CSRNP3: variants seen among roughly 807,000 people sequenced by gnomAD.
The protein encoded by CSRNP3 is cysteine/serine-rich nuclear protein 3.
CSRNP3 carries 12 observed loss-of-function variants against 48.0 expected under a neutral mutation model. That is an observed-to-expected ratio of 0.25 (90% CI 0.16 to 0.41). CSRNP3 has a LOEUF of 0.41. Among genes scored for constraint, CSRNP3 ranks in the 10% least tolerant of loss-of-function variants. The probability of loss-of-function intolerance (pLI) is 1.00; values close to 1 mark genes in which losing one functional copy is unlikely to be tolerated. For missense variants in CSRNP3, 580 were observed against 724.4 expected, an observed-to-expected ratio of 0.80 and a Z score of 2.29; for synonymous variants, 263 against 269.7, an observed-to-expected ratio of 0.98 and a Z score of 0.24.
intron 4 of CSRNP3, among the ~76,000 whole-genome samples, chr2:165,650,467 T>C (rs1311107307): frequency 1.3e-5 from 2 of 152,334 alleles, no homozygotes; most frequent in Non-Finnish European, 2.9e-5. Flanking sequence ...TTTACAGAAG[T>C]CATTTGTAAA....
At chr2:165,533,008 G>A (rs1684835174) in intron 3 of CSRNP3, among the ~76,000 whole-genome samples, 1 of 152,114 alleles carries the variant, frequency 6.6e-6, no homozygotes, top group South Asian at 2.1e-4. Context: ...TACAAGGGAT[G>A]TGAAAATTCT....
chr2:165,649,791 CTTG>C (rs1023195700), intron 4 of CSRNP3, among the ~76,000 whole-genome samples: 2 of 152,180 alleles, frequency 1.3e-5, no homozygotes, highest in Non-Finnish European at 2.9e-5. Context: ...AGACCCCTGA[CTTG>C]TTGTCCTTTA....
intron 3 of CSRNP3, among the ~76,000 whole-genome samples, chr2:165,533,187 C>G (rs1354454380): frequency 6.6e-6 from 1 of 151,940 alleles, no homozygotes; most frequent in Non-Finnish European, 1.5e-5. Flanking sequence ...AAATAGAAAT[C>G]ATAAGTATTG....
chr2:165,561,444 A>G (rs1685232277), intron 3 of CSRNP3, among the ~76,000 whole-genome samples: 1 of 152,072 alleles, frequency 6.6e-6, no homozygotes, highest in South Asian at 2.1e-4. Context: ...CTTCAAGAGT[A>G]ATTTCTTACT....
At chr2:165,541,997 T>C (rs1684964205) in intron 3 of CSRNP3, among the ~76,000 whole-genome samples, 1 of 152,192 alleles carries the variant, frequency 6.6e-6, no homozygotes, top group South Asian at 2.1e-4. Context: ...ATTGAAACTC[T>C]GTTCACCACA....
At chr2:165,473,200 A>C (rs1683916070) in intron 1 of CSRNP3, among the ~76,000 whole-genome samples, 1 of 152,124 alleles carries the variant, frequency 6.6e-6, no homozygotes, top group Non-Finnish European at 1.5e-5. Context: ...TTACTGCTTC[A>C]TGCTTCTTTC....
chr2:165,496,313 G>A (rs1034215245), intron 2 of CSRNP3, among the ~76,000 whole-genome samples: 10 of 151,964 alleles, frequency 6.6e-5, no homozygotes, highest in African/African-American at 2.4e-4. Flanking sequence ...AATTTCAGAA[G>A]ATAGGTTTTG....
At chr2:165,623,883 G>A (rs1217077291) in intron 4 of CSRNP3, among the ~76,000 whole-genome samples, 1 of 152,144 alleles carries the variant, frequency 6.6e-6, no homozygotes, top group African/African-American at 2.4e-5. Context: ...TAGAGCAGCT[G>A]CAAGGGAGGC....
intron 3 of CSRNP3, among the ~76,000 whole-genome samples, chr2:165,581,221 G>A (rs943181106): frequency 6.6e-6 from 1 of 152,210 alleles, no homozygotes; most frequent in Non-Finnish European, 1.5e-5. Context: ...TCAAAACCAA[G>A]TTCTGGCCAT....
intron 3 of CSRNP3, among the ~76,000 whole-genome samples, chr2:165,519,758 T>TC (rs1684627346): frequency 6.6e-6 from 1 of 152,118 alleles, no homozygotes; most frequent in Non-Finnish European, 1.5e-5. Flanking sequence ...GAAATTACAT[T>TC]CTAGTGGATG....
intron 5 of CSRNP3, among the ~76,000 whole-genome samples, chr2:165,660,563 G>A (rs979229176): frequency 1.3e-5 from 2 of 152,102 alleles, no homozygotes; most frequent in Non-Finnish European, 2.9e-5. Context: ...GGTGAACTCC[G>A]AGACACGTGA....
At position 165,597,563 on chromosome 2, in the gene CSRNP3, A is replaced by G. The variant is rs1383930070; in HGVS notation, c.148+2350A>G. On this transcript the variant is annotated intron_variant, in intron 4 of 6. Transcript: ENST00000651982. ...GTAGAATCACTATATGAACTTTGAT[A>G]TGAGAAGAAGAAATAATCACATTGG... Among the ~76,000 whole-genome samples, 10 of 152,254 alleles carry G rather than the reference A, an allele frequency of 6.6e-5. No homozygotes were observed. In the East Asian group the frequency reaches 1.9e-3, roughly 29 times the overall value.
intron 3 of CSRNP3, among the ~76,000 whole-genome samples, chr2:165,568,712 G>T (rs2105272512): frequency 6.6e-6 from 1 of 152,160 alleles, no homozygotes; most frequent in South Asian, 2.1e-4. Context: ...AAGAATAAAG[G>T]TGGAGGAAAT....
At chr2:165,552,179 T>C (rs933866908) in intron 3 of CSRNP3, among the ~76,000 whole-genome samples, 1 of 152,224 alleles carries the variant, frequency 6.6e-6, no homozygotes, top group African/African-American at 2.4e-5. Context: ...AGTGGAAATT[T>C]AATTGAAAGA....
chr2:165,570,919 A>T (rs982787670), intron 3 of CSRNP3, among the ~76,000 whole-genome samples: 1 of 151,996 alleles, frequency 6.6e-6, no homozygotes, highest in Non-Finnish European at 1.5e-5. Flanking sequence ...ATTCTAGATC[A>T]ATGCTAACCC....
Position 165,655,842 on chromosome 2 carries a change from G to C in CSRNP3, c.149-1919G>C, listed in dbSNP as rs1451661030. Among the ~76,000 whole-genome samples the C allele has an allele frequency of 7.2e-5, 11 of 152,284 alleles. No homozygotes were observed. The South Asian group carries it at 2.3e-3, about 32-fold the overall frequency. On this transcript the variant is annotated intron_variant, in intron 4 of 6. Transcript: ENST00000651982. Reference sequence around the variant, plus strand: ...CATCATCTTCCCTCTACGCATGTCTGTGTCCAAATTTTAACTTTTATAAAC... The same window carrying C: ...CATCATCTTCCCTCTACGCATGTCTCTGTCCAAATTTTAACTTTTATAAAC...
intron 2 of CSRNP3, among the ~76,000 whole-genome samples, chr2:165,507,971 A>C (rs1485194832): frequency 6.6e-6 from 1 of 152,056 alleles, no homozygotes; most frequent in Non-Finnish European, 1.5e-5. Flanking sequence ...CAAAAATCGC[A>C]TGGTTTCCAT....
intron 4 of CSRNP3, among the ~76,000 whole-genome samples, chr2:165,636,121 C>T (rs942259020): frequency 1.3e-5 from 2 of 152,096 alleles, no homozygotes; most frequent in African/African-American, 4.8e-5. Context: ...AATAGTATTC[C>T]TATTAGTGTT....
chr2:165,557,542 G>A (rs999138232), intron 3 of CSRNP3, among the ~76,000 whole-genome samples: 7 of 152,318 alleles, frequency 4.6e-5, no homozygotes, highest in African/African-American at 1.7e-4. Context: ...CTGGGGGAAA[G>A]GATGATAGGA....
Sources: gnomAD v4.1 joint callset for allele counts (sites outside exome capture counted in the v4.1 genomes callset) on GRCh38, gnomAD v4.1.1 for gene constraint, MANE v1.5 for transcripts, NCBI Gene and HGNC (gene_info 2026-07-23, HGNC 2026-07-21) for gene names.